VPS9D1: variants seen among roughly 807,000 people sequenced by gnomAD.
The protein encoded by VPS9D1 is VPS9 domain-containing protein 1.
Under a neutral mutation model 75.8 loss-of-function variants are expected in VPS9D1, and 78 were observed. The observed-to-expected ratio is 1.03, with a 90% CI of 0.86 to 1.24. VPS9D1 has a LOEUF of 1.24. VPS9D1 is among the 50% of genes most tolerant of loss of function. VPS9D1 has a pLI of 0.00. For missense variants in VPS9D1, 1,057 were observed against 847.7 expected, an observed-to-expected ratio of 1.25 and a Z score of -3.07; for synonymous variants, 481 against 385.6, an observed-to-expected ratio of 1.25 and a Z score of -2.90.
chr16:89,713,125 A>C (rs779672022), intron 4 of VPS9D1: 47 of 154,594 alleles, frequency 3.0e-4, no homozygotes, highest in Non-Finnish European at 6.5e-4. Context: ...CAGTGAGCCG[A>C]GATCTGGCCA....
At chr16:89,720,538 G>A in intron 1 of VPS9D1, 1 of 1,167,780 alleles carries the variant, frequency 8.6e-7, no homozygotes, top group Non-Finnish European at 1.1e-6. Flanking sequence ...CCGGCTCAGC[G>A]AGCGGAGTGG....
At chr16:89,709,167 C>A in intron 12 of VPS9D1, 60 bp downstream of exon 12, 1 of 1,604,438 alleles carries the variant, frequency 6.2e-7, no homozygotes. Flanking sequence ...AAGACACAGG[C>A]TCCAGGTCAC....
chr16:89,710,991 C>T lies in VPS9D1; in HGVS notation c.853G>A (p.Ala285Thr), dbSNP rs2060903807. Reference protein sequence around the residue: ...HLLSLPDHPIAQLLRRLQCSV... With the variant: ...HLLSLPDHPITQLLRRLQCSV... ...CACTGCAGCCGCCTCAGGAGCTGCG[C>T]GATCGGGTGGTCGGGGAGGCTGCGG... Residue 285 changes from alanine (A) to threonine (T), a missense_variant, in exon 10 of 15, where the codon GCG becomes ACG. Physicochemically the swap from Ala to Thr is moderately conservative, Grantham distance 58. Coordinates refer to ENST00000389386, the MANE Select transcript of VPS9D1 (RefSeq NM_004913.3). 1 of 1,439,528 alleles carries T rather than the reference C, an allele frequency of 6.9e-7. No individual in the cohort carries two copies. The highest frequency in any genetic ancestry group is 9.1e-7 in the Non-Finnish European group (1 of 1,101,542). The allele number at this position is 1,439,528 out of a possible 1,614,324, so 89.2% of individuals were successfully genotyped here. A position where few individuals can be genotyped will look rare whatever the true frequency, so the allele number is the denominator to read the frequency against.
At chr16:89,720,511 GC>G (rs2061229800) in intron 1 of VPS9D1, 17 of 1,144,556 alleles carry the variant, frequency 1.5e-5, no homozygotes, top group Non-Finnish European at 1.7e-5. Context: ...TACAGGTGGA[GC>G]CCAGGCTGTG....
chr16:89,709,025 G>GGGGGGCCC, intron 12 of VPS9D1, 69 bp from the exon 13 acceptor site: 1 of 627,162 alleles, frequency 1.6e-6, no homozygotes, highest in Non-Finnish European at 2.0e-6. Context: ...CTTATACCCC[G>GGGGGGCCC]CCCACCCACC....
chr16:89,708,536 CG>C lies in VPS9D1; in HGVS notation c.1698-6del. On this transcript the variant is annotated splice_polypyrimidine_tract_variant and splice_region_variant and intron_variant, in intron 13 of 14. Transcript: ENST00000389386. ...GGCAGCAGGTCATCGGCACCACTGT[CG>C]GGAGGGCATAGCGGCCTTGGGTTGG... is the stretch of plus-strand genomic sequence containing the variant. 6.2e-7 allele frequency: 1 copy of C among 1,611,894 alleles called. No homozygotes were observed. The highest frequency in any genetic ancestry group is 8.5e-7 in the Non-Finnish European group (1 of 1,179,446).
At position 89,707,981 on chromosome 16, in the gene VPS9D1, G is replaced by A. The variant is rs764837313; in HGVS notation, c.1803-27C>T. 16 of 1,606,410 alleles carry A rather than the reference G, an allele frequency of 1.0e-5. No individual in the cohort carries two copies. The East Asian group carries it at 3.3e-4, about 34-fold the overall frequency. On this transcript the variant is annotated intron_variant, in intron 14 of 14. Coordinates refer to ENST00000389386, the MANE Select transcript of VPS9D1 (RefSeq NM_004913.3). Reference sequence around the variant, plus strand: ...TGCATGGATGGCAGGGGCAGCCGGTGTCATCTGAACGAACAGAAGGATACC... The same window carrying A: ...TGCATGGATGGCAGGGGCAGCCGGTATCATCTGAACGAACAGAAGGATACC...
Position 89,708,509 on chromosome 16 carries a change from T to C in VPS9D1, c.1720A>G (p.Ile574Val). The C allele has an allele frequency of 3.1e-6, 5 of 1,613,042 alleles. No individual in the cohort carries two copies. The highest frequency in any genetic ancestry group is 4.2e-6 in the Non-Finnish European group (5 of 1,179,872). Residue 574 changes from isoleucine (I) to valine (V), a missense_variant, in exon 14 of 15, where the codon ATC becomes GTC. Physicochemically the swap from Ile to Val is conservative, Grantham distance 29. Transcript: ENST00000389386. The stretch of plus-strand genomic sequence containing the variant: ...CTCCTCAGCACCACGAAGGACAGGA[T>C]GGGCAGCAGGTCATCGGCACCACTG... ...AAIGADDLLP[I>V]LSFVVLRSGL...
At position 89,709,315 on chromosome 16, in the gene VPS9D1, C is replaced by A; in HGVS notation, c.1509G>T (p.Gly503=). ...CCGCGCAGTAGGGGTAGCCAGTGGC[C>A]CCCTTGGCCTCAGGGTTCTGGGGGA... ...KLLPQNPEAK[G]ATGYPYCAAA... Residue 503 remains glycine (G), a synonymous_variant, in exon 12 of 15, where the codon GGG becomes GGT. Transcript: ENST00000389386. 2 of 1,605,222 alleles carry A rather than the reference C, an allele frequency of 1.2e-6. No homozygotes were observed. Among genetic ancestry groups the A allele is most frequent in the South Asian group, 1.1e-5 (1 of 90,542 alleles).
intron 9 of VPS9D1, 128 bp from the exon 10 acceptor site, chr16:89,711,138 T>G (rs1051404170): frequency 8.1e-7 from 1 of 1,229,780 alleles, no homozygotes; most frequent in African/African-American, 1.5e-5. Context: ...TTGGAAAGTC[T>G]GCCCCCCGCC....
chr16:89,712,586 C>G lies in VPS9D1; in HGVS notation c.543+19G>C. On this transcript the variant is annotated intron_variant, in intron 5 of 14. Coordinates refer to ENST00000389386, the MANE Select transcript of VPS9D1 (RefSeq NM_004913.3). ...CCCCGCGCCCACGCACCCCCAGGCCCTCCCTAGCCCCCACTCACCAGGGAT... is the reference window on the plus strand; with the variant it reads ...CCCCGCGCCCACGCACCCCCAGGCCGTCCCTAGCCCCCACTCACCAGGGAT... The G allele has an allele frequency of 1.9e-6, 3 of 1,608,490 alleles. No homozygotes were observed. The highest frequency in any genetic ancestry group is 2.5e-6 in the Non-Finnish European group (3 of 1,178,188).
chr16:89,716,384 C>G (rs1229030569), intron 4 of VPS9D1, 78 bp downstream of exon 4: 2 of 1,574,948 alleles, frequency 1.3e-6, no homozygotes, highest in Non-Finnish European at 1.7e-6. Flanking sequence ...AAAAAAAAAT[C>G]GCTGTCATCA....
At chr16:89,709,989 G>A (rs769918234) in intron 10 of VPS9D1, 83 bp from the exon 11 acceptor site, 204 of 1,508,762 alleles carry the variant, frequency 1.4e-4, no homozygotes, top group East Asian at 2.3e-4. Context: ...GCCTTTCTCC[G>A]CCCAAGAAAC....
intron 3 of VPS9D1, 42 bp downstream of exon 3, chr16:89,716,688 T>TG: frequency 6.3e-7 from 1 of 1,597,114 alleles, no homozygotes; most frequent in Non-Finnish European, 8.5e-7. Flanking sequence ...GATGCGGGCT[T>TG]GGGGGATGCC....
At chr16:89,719,907 C>T (rs565481762) in intron 1 of VPS9D1, among the ~76,000 whole-genome samples, 3 of 152,256 alleles carry the variant, frequency 2.0e-5, no homozygotes, top group Admixed American at 1.3e-4. Context: ...TTAGTAGAGA[C>T]GGGGTTTCAC....
chr16:89,712,319 G>C, intron 6 of VPS9D1, 141 bp downstream of exon 6: 1 of 1,378,428 alleles, frequency 7.3e-7, no homozygotes, highest in Non-Finnish European at 9.9e-7. Flanking sequence ...CTGAGACCCT[G>C]CCTCTGCAAA....
chr16:89,710,922 C>A lies in VPS9D1; in HGVS notation c.922G>T (p.Ala308Ser), dbSNP rs750608848. Residue 308 changes from alanine (A) to serine (S), a missense_variant, in exon 10 of 15, where the codon GCG (alanine) becomes TCG (serine). Physicochemically the swap from Ala to Ser is moderately conservative, Grantham distance 99. Transcript: ENST00000389386. ...ALYPAVSRAAAPAPGCCPPTP... is the reference protein window; with the variant it reads ...ALYPAVSRAASPAPGCCPPTP... ...GGGGGGCAGCAGCCTGGGGCTGGCGCGGCTGCTCTGCTCACGGCGGGATAC... is the reference window on the plus strand; with the variant it reads ...GGGGGGCAGCAGCCTGGGGCTGGCGAGGCTGCTCTGCTCACGGCGGGATAC... 78 of 1,486,888 alleles carry A rather than the reference C, an allele frequency of 5.2e-5. 1 individual carries two copies. The highest frequency in any genetic ancestry group is 3.6e-4 in the South Asian group (27 of 75,916). 92.1% of individuals were successfully genotyped at this position (1,486,888 alleles called of 1,614,324 possible).
chr16:89,708,623 C>T (rs1431777263), intron 13 of VPS9D1, 92 bp from the exon 14 acceptor site: 7 of 1,375,656 alleles, frequency 5.1e-6, no homozygotes, highest in African/African-American at 1.4e-5. Context: ...CCGTGCTGGC[C>T]GCCATCTCTG....
In VPS9D1 at chr16:89,711,024, G is replaced by A. The variant is rs1024930357; in HGVS notation, c.834-14C>T. 15 of 1,436,520 alleles carry A rather than the reference G, an allele frequency of 1.0e-5. No homozygotes were observed. The African/African-American group carries it at 2.0e-4, about 19-fold the overall frequency. 89.0% of individuals were successfully genotyped at this position (1,436,520 alleles called of 1,614,324 possible). ...TGGTCGGGGAGGCTGCGGGAGAAGA[G>A]GACGTGAGAACGCGGCCAGCCTCGG... On this transcript the variant is annotated splice_polypyrimidine_tract_variant and intron_variant, in intron 9 of 14. Coordinates refer to ENST00000389386, the MANE Select transcript of VPS9D1 (RefSeq NM_004913.3).
Sources: gnomAD v4.1 joint callset for allele counts (sites outside exome capture counted in the v4.1 genomes callset) on GRCh38, gnomAD v4.1.1 for gene constraint, MANE v1.5 for transcripts, NCBI Gene and HGNC (gene_info 2026-07-23, HGNC 2026-07-21) for gene names.